RALGAPA2: variants seen among roughly 807,000 people sequenced by gnomAD.
The protein encoded by RALGAPA2 is Ral GTPase activating protein catalytic subunit alpha 2, also known as ral GTPase-activating protein subunit alpha-2.
A neutral mutation model predicts 230.4 loss-of-function variants in RALGAPA2; 139 were observed. The ratio of observed to expected loss-of-function variants is 0.60; its 90% CI spans 0.53 to 0.69. The LOEUF (loss-of-function observed/expected upper bound fraction) is 0.69, where lower values mean the gene tolerates loss of function less well. RALGAPA2 is among the 30% of genes least tolerant of loss of function. The pLI is 0.00. For synonymous variants in RALGAPA2, 847 were observed against 837.8 expected (o/e 1.01, Z -0.19); for missense variants, 2,163 against 2,276.0 (o/e 0.95, Z 1.01).
rs754769689 is a variant in RALGAPA2 at position 20,536,824 on chromosome 20, G to C, written c.3286-40C>G. 7 of 1,585,926 alleles carry C rather than the reference G, an allele frequency of 4.4e-6. No individual in the cohort carries two copies. The Middle Eastern group carries it at 6.8e-4, about 153-fold the overall frequency. ...GAGGAGCACACACATTTCTCTTTTT[G>C]TAAGTTAGAAACGTTAAATAAGTGA... On this transcript the variant is annotated intron_variant, in intron 24 of 39. Transcript: ENST00000202677.
At chr20:20,443,905 A>C (rs73287240) in intron 37 of RALGAPA2, among the ~76,000 whole-genome samples, 5,505 of 152,302 alleles carry the variant, frequency 0.036, 333 homozygotes, top group African/African-American at 0.13. Flanking sequence ...CTTTCTTCCT[A>C]GTCCTTGGGC....
chr20:20,583,162 T>C lies in RALGAPA2; in HGVS notation c.2595A>G (p.Pro865=), dbSNP rs202083503. 2.0e-5 allele frequency: 33 copies of C among 1,613,684 alleles called. No individual in the cohort carries two copies. The African/African-American group carries it at 2.9e-4, about 14-fold the overall frequency. Residue 865 remains proline, a synonymous_variant, in exon 20 of 40, where the codon CCA becomes CCG. Transcript: ENST00000202677. ...CTGGGTCTTCCTCACAGGTCTGCCATGGGCCCATGGACAGCTCTGCCTCAT... is the reference window on the plus strand; with the variant it reads ...CTGGGTCTTCCTCACAGGTCTGCCACGGGCCCATGGACAGCTCTGCCTCAT... ...CTNEAELSMG[P]WQTCEEDPEL...
intron 38 of RALGAPA2, among the ~76,000 whole-genome samples, chr20:20,400,296 G>C (rs1165866447): frequency 6.6e-6 from 1 of 152,178 alleles, no homozygotes; most frequent in African/African-American, 2.4e-5. Flanking sequence ...TCTGACTCTG[G>C]GTTTGGCTTC....
At chr20:20,522,309 C>A (rs1031920508) in intron 30 of RALGAPA2, among the ~76,000 whole-genome samples, 5 of 150,078 alleles carry the variant, frequency 3.3e-5, no homozygotes, top group Admixed American at 6.6e-5. Flanking sequence ...TCTAAACTAT[C>A]CAAATGTCTA....
At chr20:20,406,159 C>T (rs1322394205) in intron 38 of RALGAPA2, among the ~76,000 whole-genome samples, 1 of 152,170 alleles carries the variant, frequency 6.6e-6, no homozygotes, top group African/African-American at 2.4e-5. Flanking sequence ...AAAATACCCT[C>T]AGTTTTTTCT....
intron 37 of RALGAPA2, among the ~76,000 whole-genome samples, chr20:20,451,864 T>C (rs748277166): frequency 2.0e-5 from 3 of 152,214 alleles, no homozygotes; most frequent in Admixed American, 1.3e-4. Context: ...TTTAGTATAC[T>C]AGAAGAGACT....
chr20:20,640,405 G>T (rs749153227), intron 6 of RALGAPA2, among the ~76,000 whole-genome samples: 4 of 152,170 alleles, frequency 2.6e-5, no homozygotes, highest in Non-Finnish European at 1.5e-5. Context: ...CTCATTAACA[G>T]CCAGAAAACC....
chr20:20,566,978 C>T (rs2064450261), intron 23 of RALGAPA2, among the ~76,000 whole-genome samples: 2 of 152,150 alleles, frequency 1.3e-5, no homozygotes, highest in Non-Finnish European at 2.9e-5. Flanking sequence ...GACAAAGACC[C>T]ACATTTCCCA....
chr20:20,535,879 G>A, intron 25 of RALGAPA2, 76 bp from the exon 26 acceptor site: 3 of 1,476,652 alleles, frequency 2.0e-6, no homozygotes, highest in Non-Finnish European at 1.8e-6. Flanking sequence ...CATGTTCCAG[G>A]CAGCCAGGAG....
At chr20:20,476,469 T>C (rs1420665634) in intron 36 of RALGAPA2, among the ~76,000 whole-genome samples, 1 of 151,890 alleles carries the variant, frequency 6.6e-6, no homozygotes, top group East Asian at 1.9e-4. Context: ...AAAAAGCCTG[T>C]TTCAATAAAG....
At chr20:20,620,657 TAACTACA>T in intron 10 of RALGAPA2, 27 bp from the exon 11 acceptor site, 1 of 1,576,762 alleles carries the variant, frequency 6.3e-7, no homozygotes, top group Non-Finnish European at 8.6e-7. Context: ...AAACTCCCTT[TAACTACA>T]AACACACTCA....
chr20:20,608,337 G>T (rs1028481102), intron 14 of RALGAPA2, among the ~76,000 whole-genome samples: 7 of 152,146 alleles, frequency 4.6e-5, no homozygotes, highest in Admixed American at 4.6e-4. Flanking sequence ...TACCATCAGA[G>T]CTTCAAGCAT....
chr20:20,403,042 G>A (rs1348701167), intron 38 of RALGAPA2, among the ~76,000 whole-genome samples: 2 of 151,960 alleles, frequency 1.3e-5, no homozygotes, highest in Non-Finnish European at 2.9e-5. Flanking sequence ...CTCACACGCC[G>A]CCTTTTCAGG....
rs2297049 is a variant in RALGAPA2 at position 20,396,707 on chromosome 20, T to C, written c.*23A>G. ...GTGTCTGTCTTACCTTGCTCAAATA[T>C]TGAAATGAGACCTTTACGTGTTTTA... On this transcript the variant is annotated 3_prime_UTR_variant, in exon 39 of 40. Coordinates refer to ENST00000202677, the MANE Select transcript of RALGAPA2 (RefSeq NM_020343.4). 1,462 of 1,610,388 alleles carry C rather than the reference T, an allele frequency of 9.1e-4. 28 individuals carry two copies. The East Asian group carries it at 0.026, about 28-fold the overall frequency.
At chr20:20,524,764 T>G in intron 29 of RALGAPA2, 66 bp downstream of exon 29, 2 of 1,400,428 alleles carry the variant, frequency 1.4e-6, no homozygotes, top group Non-Finnish European at 1.9e-6. Context: ...TGTAACATTA[T>G]TTATCATTTT....
chr20:20,583,011 C>A, intron 20 of RALGAPA2, 39 bp downstream of exon 20: 1 of 1,584,590 alleles, frequency 6.3e-7, no homozygotes. Flanking sequence ...GATCTCCCAG[C>A]TGTTTGCATT....
chr20:20,698,103 A>G (rs2069188901), intron 1 of RALGAPA2, among the ~76,000 whole-genome samples: 1 of 152,168 alleles, frequency 6.6e-6, no homozygotes. Flanking sequence ...GTCTGGTTAA[A>G]CATATACATA....
chr20:20,473,097 C>T (rs1828462915), intron 36 of RALGAPA2, 141 bp from the exon 37 acceptor site: 1 of 868,150 alleles, frequency 1.2e-6, no homozygotes, highest in Non-Finnish European at 1.7e-6. Flanking sequence ...TAACAGGACA[C>T]AGGTCTAGGG....
chr20:20,686,730 CA>C (rs1050629164), intron 1 of RALGAPA2, among the ~76,000 whole-genome samples: 3 of 152,186 alleles, frequency 2.0e-5, no homozygotes, highest in Non-Finnish European at 4.4e-5. Context: ...TACACACCCA[CA>C]AAACCAGTGG....
Sources: gnomAD v4.1 joint callset for allele counts (sites outside exome capture counted in the v4.1 genomes callset) on GRCh38, gnomAD v4.1.1 for gene constraint, MANE v1.5 for transcripts, NCBI Gene and HGNC (gene_info 2026-07-23, HGNC 2026-07-21) for gene names.